Variants in FSTL5 observed in about 807,000 individuals in gnomAD.
The protein encoded by FSTL5 is follistatin like 5, also known as follistatin-related protein 5.
In FSTL5, 62 loss-of-function variants were observed where a neutral mutation model predicts 89.1. The observed-to-expected ratio is 0.70, with a 90% CI of 0.57 to 0.86. FSTL5 has a LOEUF of 0.86. Ranked by LOEUF, FSTL5 falls within the 40% of genes least tolerant of loss-of-function variation. The pLI is 0.00. For missense variants in FSTL5, 1,057 were observed against 1,001.6 expected, an observed-to-expected ratio of 1.06 and a Z score of -0.75; for synonymous variants, 383 against 346.2, an observed-to-expected ratio of 1.11 and a Z score of -1.18.
At chr4:161,674,087 T>C (rs947829644) in intron 6 of FSTL5, among the ~76,000 whole-genome samples, 2 of 152,012 alleles carry the variant, frequency 1.3e-5, no homozygotes, top group Admixed American at 1.3e-4. Flanking sequence ...AAAAACAATA[T>C]AGATTTTCAC....
intron 15 of FSTL5, among the ~76,000 whole-genome samples, chr4:161,391,447 C>T (rs77679015): frequency 0.032 from 4,872 of 152,228 alleles, 88 homozygotes; most frequent in Non-Finnish European, 0.044. Context: ...ACTCAAAATA[C>T]GCTGTTTCAA....
chr4:161,637,948 C>T (rs1735784220), intron 7 of FSTL5, among the ~76,000 whole-genome samples: 2 of 149,574 alleles, frequency 1.3e-5, no homozygotes, highest in African/African-American at 2.5e-5. Context: ...GCGATGCGGG[C>T]TCTTTTTTGG....
chr4:161,996,491 T>C (rs1736300007), intron 3 of FSTL5, among the ~76,000 whole-genome samples: 1 of 152,236 alleles, frequency 6.6e-6, no homozygotes, highest in African/African-American at 2.4e-5. Flanking sequence ...GCTATAATTT[T>C]AGGCATCCGT....
chr4:161,897,340 T>C (rs545909518), intron 4 of FSTL5, among the ~76,000 whole-genome samples: 1 of 151,508 alleles, frequency 6.6e-6, no homozygotes, highest in Non-Finnish European at 1.5e-5. Context: ...TTCTCTTAGG[T>C]CACTAAAATT....
chr4:161,940,597 G>C (rs1734554188), intron 3 of FSTL5, among the ~76,000 whole-genome samples: 1 of 151,564 alleles, frequency 6.6e-6, no homozygotes, highest in Admixed American at 6.6e-5. Context: ...AGAGGCCAGA[G>C]GTAGTTGGAA....
At chr4:161,956,900 A>C (rs1735040657) in intron 3 of FSTL5, among the ~76,000 whole-genome samples, 1 of 152,002 alleles carries the variant, frequency 6.6e-6, no homozygotes, top group Admixed American at 6.6e-5. Flanking sequence ...GTGATGTGGT[A>C]CTACCTTGCA....
chr4:162,001,235 T>A (rs1043415787), intron 3 of FSTL5, among the ~76,000 whole-genome samples: 4 of 152,202 alleles, frequency 2.6e-5, no homozygotes, highest in African/African-American at 9.6e-5. Context: ...ATTTTTATGA[T>A]ATTCTTATAA....
At chr4:161,400,431 T>A (rs2110903627) in intron 15 of FSTL5, among the ~76,000 whole-genome samples, 1 of 152,202 alleles carries the variant, frequency 6.6e-6, no homozygotes, top group African/African-American at 2.4e-5. Flanking sequence ...CAGATATATG[T>A]GCAGACTGTA....
intron 4 of FSTL5, among the ~76,000 whole-genome samples, chr4:161,871,826 A>G (rs917156171): frequency 6.6e-6 from 1 of 152,138 alleles, no homozygotes; most frequent in Non-Finnish European, 1.5e-5. Flanking sequence ...CAGGGAATAA[A>G]TTTTACCATA....
chr4:161,711,976 A>C (rs1372437334), intron 6 of FSTL5, among the ~76,000 whole-genome samples: 1 of 152,212 alleles, frequency 6.6e-6, no homozygotes, highest in African/African-American at 2.4e-5. Context: ...GAATTTCCTA[A>C]ACCTGACAAA....
intron 4 of FSTL5, among the ~76,000 whole-genome samples, chr4:161,813,231 G>A (rs1354802551): frequency 6.6e-6 from 1 of 151,898 alleles, no homozygotes; most frequent in Non-Finnish European, 1.5e-5. Flanking sequence ...GGGTTTCACC[G>A]TGTTAGCAAG....
intron 5 of FSTL5, among the ~76,000 whole-genome samples, chr4:161,775,506 C>T (rs1017120903): frequency 3.9e-5 from 6 of 151,988 alleles, no homozygotes; most frequent in Non-Finnish European, 7.4e-5. Flanking sequence ...CGGTAGTGCC[C>T]TTGAATATTG....
intron 3 of FSTL5, among the ~76,000 whole-genome samples, chr4:161,934,458 A>T (rs1734378656): frequency 6.6e-6 from 1 of 152,072 alleles, no homozygotes; most frequent in South Asian, 2.1e-4. Flanking sequence ...TATCAAAAAA[A>T]ATTGGACTGC....
chr4:161,910,866 AT>A (rs1733669565), intron 4 of FSTL5, among the ~76,000 whole-genome samples: 1 of 152,180 alleles, frequency 6.6e-6, no homozygotes, highest in Non-Finnish European at 1.5e-5. Context: ...TTTTCTATAA[AT>A]CTGCCACAAT....
intron 15 of FSTL5, among the ~76,000 whole-genome samples, chr4:161,394,221 G>A (rs957167580): frequency 1.1e-4 from 17 of 151,994 alleles, no homozygotes; most frequent in African/African-American, 4.1e-4. Flanking sequence ...TCTTACTTCT[G>A]GTAAAGTTTT....
At chr4:161,884,661 G>A (rs1453840298) in intron 4 of FSTL5, among the ~76,000 whole-genome samples, 1 of 152,118 alleles carries the variant, frequency 6.6e-6, no homozygotes, top group Non-Finnish European at 1.5e-5. Context: ...GAGAGCTGCT[G>A]TGCTAAACAA....
chr4:162,058,170 A>T (rs1349290712), intron 2 of FSTL5, among the ~76,000 whole-genome samples: 1 of 152,084 alleles, frequency 6.6e-6, no homozygotes, highest in East Asian at 1.9e-4. Flanking sequence ...ATGCTTGAAG[A>T]TGAATATGAT....
In FSTL5 at chr4:161,469,816, T is replaced by C. The variant is rs111329885; in HGVS notation, c.1609-10497A>G. 3.4e-3 allele frequency among the ~76,000 whole-genome samples: 511 copies of C among 151,988 alleles called. 4 individuals are homozygous for C. Among genetic ancestry groups the C allele is most frequent in the African/African-American group, 0.012 (485 of 41,434 alleles). ...CCACGCCCGGCTACTTTTTGTTTGT[T>C]TGATTTTAGTAGAGACGGAGTTTCA... On this transcript the variant is annotated intron_variant, in intron 13 of 15. Coordinates refer to ENST00000306100, the MANE Select transcript of FSTL5 (RefSeq NM_020116.5).
intron 3 of FSTL5, among the ~76,000 whole-genome samples, chr4:161,937,052 GT>G (rs1361986208): frequency 1.3e-5 from 2 of 152,102 alleles, no homozygotes; most frequent in African/African-American, 4.8e-5. Flanking sequence ...AAGTAGGCAT[GT>G]GAGTAAACCC....
Sources: gnomAD v4.1 joint callset for allele counts (sites outside exome capture counted in the v4.1 genomes callset) on GRCh38, gnomAD v4.1.1 for gene constraint, MANE v1.5 for transcripts, NCBI Gene and HGNC (gene_info 2026-07-23, HGNC 2026-07-21) for gene names.